Variants in RTN1 observed in about 807,000 individuals in gnomAD.
RTN1 encodes the protein reticulon-1.
A neutral mutation model predicts 65.5 loss-of-function variants in RTN1; 25 were observed. That is an observed-to-expected ratio of 0.38 (90% CI 0.28 to 0.53). The LOEUF (loss-of-function observed/expected upper bound fraction) is 0.53. Among genes scored for constraint, RTN1 ranks in the 20% least tolerant of loss-of-function variants. RTN1 has a pLI of 0.79. For synonymous variants in RTN1, 471 were observed against 447.6 expected (o/e 1.05, Z -0.66); for missense variants, 983 against 1,025.4 (o/e 0.96, Z 0.57).
Position 59,603,891 on chromosome 14 carries a change from C to A in RTN1, c.2143G>T (p.Val715Phe). The A allele has an allele frequency of 6.2e-7, 1 of 1,611,962 alleles. No homozygotes were observed. Among genetic ancestry groups the A allele is most frequent in the Non-Finnish European group, 8.5e-7 (1 of 1,178,458 alleles). Residue 715 changes from valine (V) to phenylalanine (F), a missense_variant, in exon 6 of 9, where the codon GTT becomes TTT. Transcript: ENST00000267484. ...GTCAGGCCATTGAAGAGAGCGCCAA[C>A]GTAGGTCAGGAGCCACATCAGGACT... ...FAVLMWLLTY[V>F]GALFNGLTLL...
intron 3 of RTN1, among the ~76,000 whole-genome samples, chr14:59,615,515 C>T (rs1164544416): frequency 6.6e-6 from 1 of 152,078 alleles, no homozygotes; most frequent in Non-Finnish European, 1.5e-5. Context: ...TGAATCTGGG[C>T]CCATGTGTCT....
At chr14:59,733,605 G>T (rs1461138915) in intron 2 of RTN1, among the ~76,000 whole-genome samples, 2 of 152,076 alleles carry the variant, frequency 1.3e-5, no homozygotes, top group African/African-American at 4.8e-5. Flanking sequence ...AGCAGAGGTG[G>T]TTCCTCACCA....
intron 3 of RTN1, among the ~76,000 whole-genome samples, chr14:59,708,240 C>T (rs1884341430): frequency 6.6e-6 from 1 of 152,230 alleles, no homozygotes; most frequent in Non-Finnish European, 1.5e-5. Flanking sequence ...TCTCAGGAAT[C>T]TGTTCAAAAA....
At chr14:59,858,118 A>G (rs541666172) in intron 1 of RTN1, among the ~76,000 whole-genome samples, 1 of 152,302 alleles carries the variant, frequency 6.6e-6, no homozygotes, top group South Asian at 2.1e-4. Flanking sequence ...ATATCTCCCA[A>G]CTGGATGGTA....
chr14:59,850,506 T>C (rs1887485033), intron 1 of RTN1, among the ~76,000 whole-genome samples: 1 of 152,214 alleles, frequency 6.6e-6, no homozygotes, highest in African/African-American at 2.4e-5. Flanking sequence ...GTTAAAAATC[T>C]TAAGCTATTT....
rs1883022230 is a variant in RTN1 at position 59,651,645 on chromosome 14, G to A, written c.1766-44153C>T. On this transcript the variant is annotated intron_variant, in intron 3 of 8. Transcript: ENST00000267484. ...CCCAGCTGCTTGGGAGGTCGAGGCAGGAGAATTGCTTGAACCTGGGAGGTG... is the reference window on the plus strand; with the variant it reads ...CCCAGCTGCTTGGGAGGTCGAGGCAAGAGAATTGCTTGAACCTGGGAGGTG... Among the ~76,000 whole-genome samples the A allele has an allele frequency of 2.6e-5, 4 of 152,172 alleles. 1 individual carries two copies. In the South Asian group the frequency reaches 6.2e-4, roughly 24 times the overall value.
At chr14:59,704,524 C>G in intron 3 of RTN1, among the ~76,000 whole-genome samples, 1 of 152,134 alleles carries the variant, frequency 6.6e-6, no homozygotes, top group East Asian at 1.9e-4. Context: ...GCTTCAAAGG[C>G]CCAGAGTCAC....
intron 1 of RTN1, among the ~76,000 whole-genome samples, chr14:59,842,474 T>C (rs1440639318): frequency 6.6e-6 from 1 of 152,162 alleles, no homozygotes; most frequent in African/African-American, 2.4e-5. Context: ...TGACTTTTTT[T>C]TTCAATTTTC....
chr14:59,746,575 A>T lies in RTN1; in HGVS notation c.242-94T>A. 2.8e-6 allele frequency: 3 copies of T among 1,084,800 alleles called. No homozygotes were observed. In the South Asian group the frequency reaches 4.7e-5, roughly 17 times the overall value. The allele number at this position is 1,084,800 out of a possible 1,614,324, so 67.2% of individuals were successfully genotyped here. Reference sequence around the variant, plus strand: ...CCACCCACCCCTGCCTGGTGAAGACATGACATCCTTTCTCCTTAAGCCCTC... The same window carrying T: ...CCACCCACCCCTGCCTGGTGAAGACTTGACATCCTTTCTCCTTAAGCCCTC... On this transcript the variant is annotated intron_variant, in intron 1 of 8. Coordinates refer to ENST00000267484, the MANE Select transcript of RTN1 (RefSeq NM_021136.3).
intron 1 of RTN1, among the ~76,000 whole-genome samples, chr14:59,773,390 A>C (rs1885993967): frequency 6.6e-6 from 1 of 152,182 alleles, no homozygotes; most frequent in South Asian, 2.1e-4. Flanking sequence ...TTGTGGTTCC[A>C]AGAATAAATG....
Position 59,745,904 on chromosome 14 carries a change from C to A in RTN1, c.819G>T (p.Arg273Ser). Residue 273 changes from arginine (R) to serine (S), a missense_variant, in exon 2 of 9, where the codon AGG (arginine) becomes AGT (serine). Physicochemically the swap from Arg to Ser is moderately radical, Grantham distance 110. Transcript: ENST00000267484. Reference sequence around the variant, plus strand: ...TGACAGGGGTGGTGATCTGAGGAGCCCTGCGCTGTTCTTCAGAGAGATCAT... The same window carrying A: ...TGACAGGGGTGGTGATCTGAGGAGCACTGCGCTGTTCTTCAGAGAGATCAT... The part of the protein sequence containing the change: ...YIDDLSEEQR[R>S]APQITTPVKI... The A allele has an allele frequency of 6.2e-7, 1 of 1,613,968 alleles. No individual in the cohort carries two copies. Among genetic ancestry groups the A allele is most frequent in the Non-Finnish European group, 8.5e-7 (1 of 1,179,996 alleles).
intron 1 of RTN1, among the ~76,000 whole-genome samples, chr14:59,778,296 G>A (rs1474623056): frequency 2.0e-5 from 3 of 152,134 alleles, no homozygotes; most frequent in African/African-American, 4.8e-5. Flanking sequence ...CAGGGACCAT[G>A]TATGCTTTTT....
chr14:59,668,373 A>G lies in RTN1; in HGVS notation c.1765+58546T>C, dbSNP rs1050563292. ...GGGGACAGGATTCCCTATTTAATAAATGGTGCTGGGAAAACTGGCTAGCCA... is the reference window on the plus strand; with the variant it reads ...GGGGACAGGATTCCCTATTTAATAAGTGGTGCTGGGAAAACTGGCTAGCCA... On this transcript the variant is annotated intron_variant, in intron 3 of 8. Coordinates refer to ENST00000267484, the MANE Select transcript of RTN1 (RefSeq NM_021136.3). 2.0e-5 allele frequency among the ~76,000 whole-genome samples: 3 copies of G among 152,336 alleles called. No individual in the cohort carries two copies. The East Asian group carries it at 5.8e-4, about 29-fold the overall frequency.
intron 3 of RTN1, among the ~76,000 whole-genome samples, chr14:59,626,308 T>TA (rs1316452887): frequency 1.3e-5 from 2 of 152,180 alleles, no homozygotes; most frequent in Non-Finnish European, 2.9e-5. Context: ...AAATATTTTA[T>TA]AAAAAAAGAT....
intron 6 of RTN1, among the ~76,000 whole-genome samples, chr14:59,603,472 C>A (rs1008930365): frequency 6.7e-5 from 10 of 149,496 alleles, no homozygotes; most frequent in African/African-American, 2.5e-4. Flanking sequence ...TGATGCTGAG[C>A]CCTGTACAGG....
rs1407437796 is a variant in RTN1, at chr14:59,746,007, G to A, written c.716C>T (p.Pro239Leu). 2.5e-6 allele frequency: 4 copies of A among 1,614,138 alleles called. No individual in the cohort carries two copies. ...TCCCTCCACAGGAGCTGGTTTGTCA[G>A]GTTCACGGACTCCTTCAGGTTTAAT... is the stretch of plus-strand genomic sequence containing the variant. ...ISIKPEGVRE[P>L]DKPAPVEGKI... The change falls in exon 2 of 9, where the codon CCT (proline) becomes CTT (leucine). Residue 239 changes from proline to leucine, a missense_variant. This residue lies in a region of RTN1 where 818 missense variants were observed against 801.8 expected (regional missense o/e 1.02). Coordinates refer to ENST00000267484, the MANE Select transcript of RTN1 (RefSeq NM_021136.3).
intron 1 of RTN1, among the ~76,000 whole-genome samples, chr14:59,754,388 G>A (rs1885594462): frequency 3.9e-5 from 6 of 152,136 alleles, no homozygotes. Context: ...TTTTCTCAAG[G>A]AAAAGCTTTA....
At chr14:59,656,421 G>A (rs1196536382) in intron 3 of RTN1, among the ~76,000 whole-genome samples, 2 of 152,370 alleles carry the variant, frequency 1.3e-5, no homozygotes, top group East Asian at 3.9e-4. Context: ...TCCTCCAGGT[G>A]GCTGCAGTGC....
chr14:59,634,474 C>T (rs1882622185), intron 3 of RTN1, among the ~76,000 whole-genome samples: 2 of 152,108 alleles, frequency 1.3e-5, no homozygotes, highest in African/African-American at 4.8e-5. Context: ...GAGTTTCAAA[C>T]AATAGATTAG....
Sources: allele counts gnomAD v4.1 joint callset (sites outside exome capture counted in the v4.1 genomes callset), GRCh38; gene constraint gnomAD v4.1.1; regional missense constraint gnomAD v4.1.1; transcripts MANE v1.5; gene names NCBI Gene and HGNC (gene_info 2026-07-23, HGNC 2026-07-21).